The following DGKB variants were observed in gnomAD, a reference collection of about 807,000 sequenced individuals.
The protein encoded by DGKB is 90 kDa diacylglycerol kinase.
DGKB carries 67 observed loss-of-function variants against 114.3 expected under a neutral mutation model. That is an observed-to-expected ratio of 0.59 (90% CI 0.48 to 0.72). The LOEUF is 0.72. Among genes scored for constraint, DGKB ranks in the 30% least tolerant of loss-of-function variants. The probability of loss-of-function intolerance (pLI) is 0.00; values close to 1 mark genes in which losing one functional copy is unlikely to be tolerated. For missense variants in DGKB, 907 were observed against 975.2 expected (o/e 0.93, Z 0.93); for synonymous variants, 398 against 323.1 (o/e 1.23, Z -2.49).
chr7:14,370,832 T>C (rs1297786264), intron 21 of DGKB, among the ~76,000 whole-genome samples: 1 of 152,270 alleles, frequency 6.6e-6, no homozygotes, highest in East Asian at 1.9e-4. Flanking sequence ...CTCCATGTTC[T>C]AGTAGTCTCC....
In DGKB at chr7:14,574,388, A is replaced by C. The variant is rs755037246; in HGVS notation, c.1610-16T>G. The C allele has an allele frequency of 6.3e-7, 1 of 1,598,848 alleles. No individual in the cohort carries two copies. Among genetic ancestry groups the C allele is most frequent in the Non-Finnish European group, 8.5e-7 (1 of 1,175,006 alleles). ...CCTTCGTAACCTAGTGGGAAAAAAA[A>C]ATACCTTGAGAAAAGAACTCTAACC... is the stretch of plus-strand genomic sequence containing the variant. On this transcript the variant is annotated splice_polypyrimidine_tract_variant and intron_variant, in intron 19 of 25. Transcript: ENST00000402815.
intron 22 of DGKB, among the ~76,000 whole-genome samples, chr7:14,344,378 G>C (rs1285891611): frequency 2.0e-5 from 3 of 151,566 alleles, no homozygotes; most frequent in Non-Finnish European, 4.4e-5. Flanking sequence ...TAGAAATTTA[G>C]GATAATGAAG....
chr7:14,176,022 T>G (rs1394263257), intron 25 of DGKB: 1 of 152,086 alleles, frequency 6.6e-6, no homozygotes, highest in Non-Finnish European at 1.5e-5. Flanking sequence ...GCTATGTCCT[T>G]TCAAAGAGGT....
At chr7:14,411,233 T>G (rs1824827958) in intron 21 of DGKB, among the ~76,000 whole-genome samples, 1 of 152,214 alleles carries the variant, frequency 6.6e-6, no homozygotes, top group Non-Finnish European at 1.5e-5. Context: ...GCGTCTAAGT[T>G]AGGCTAGACT....
chr7:14,413,864 A>G (rs1460118413), intron 21 of DGKB, among the ~76,000 whole-genome samples: 1 of 152,174 alleles, frequency 6.6e-6, no homozygotes, highest in East Asian at 1.9e-4. Flanking sequence ...ACAACAAAGG[A>G]TATTCACCAG....
intron 17 of DGKB, among the ~76,000 whole-genome samples, chr7:14,588,132 T>A (rs1801088295): frequency 6.6e-6 from 1 of 152,142 alleles, no homozygotes; most frequent in African/African-American, 2.4e-5. Flanking sequence ...TCTTTAACAC[T>A]TGTCACGCTT....
At chr7:14,701,800 A>G (rs1343639415) in intron 6 of DGKB, 70 bp from the exon 7 acceptor site, 12 of 1,051,908 alleles carry the variant, frequency 1.1e-5, no homozygotes, top group Non-Finnish European at 1.8e-5. Context: ...AAGTATATTC[A>G]TTAAAATTTA....
chr7:14,605,967 A>C (rs777418902), intron 17 of DGKB, among the ~76,000 whole-genome samples: 5 of 152,156 alleles, frequency 3.3e-5, no homozygotes, highest in Non-Finnish European at 7.4e-5. Context: ...GTGAAACTGT[A>C]AGGCTTGTAA....
intron 4 of DGKB, among the ~76,000 whole-genome samples, chr7:14,747,774 C>CACGT (rs777972710): frequency 1.5e-3 from 192 of 125,934 alleles, no homozygotes; most frequent in African/African-American, 5.3e-3. Context: ...CACATCCACG[C>CACGT]GCACGCACAC....
At chr7:14,541,494 C>T (rs940644917) in intron 20 of DGKB, among the ~76,000 whole-genome samples, 1 of 152,120 alleles carries the variant, frequency 6.6e-6, no homozygotes, top group African/African-American at 2.4e-5. Flanking sequence ...ACTGAAATGC[C>T]ACCACAAACA....
intron 2 of DGKB, among the ~76,000 whole-genome samples, chr7:14,787,627 C>T (rs962329795): frequency 1.3e-5 from 2 of 152,128 alleles, no homozygotes; most frequent in African/African-American, 4.8e-5. Flanking sequence ...GTCGGGGTAA[C>T]AGTTTAGTCT....
At chr7:14,476,766 T>TG (rs1782234181) in intron 21 of DGKB, among the ~76,000 whole-genome samples, 1 of 151,306 alleles carries the variant, frequency 6.6e-6, no homozygotes, top group African/African-American at 2.4e-5. Context: ...TTTTTTTTTT[T>TG]TTTTTTGAGA....
intron 21 of DGKB, among the ~76,000 whole-genome samples, chr7:14,463,584 A>C (rs1470645733): frequency 6.6e-6 from 1 of 152,146 alleles, no homozygotes; most frequent in Admixed American, 6.5e-5. Flanking sequence ...CCACTAAGCT[A>C]TAAACTCTAA....
intron 14 of DGKB, among the ~76,000 whole-genome samples, chr7:14,621,860 A>G (rs1807718329): frequency 6.6e-6 from 1 of 152,140 alleles, no homozygotes; most frequent in East Asian, 1.9e-4. Flanking sequence ...ATTGAGTACT[A>G]AGAAAAGCTT....
intron 13 of DGKB, among the ~76,000 whole-genome samples, chr7:14,632,730 A>T (rs763504931): frequency 6.6e-6 from 1 of 151,836 alleles, no homozygotes; most frequent in African/African-American, 2.4e-5. Flanking sequence ...CAGAGTTCTC[A>T]TTTAAGATGA....
chr7:14,244,392 C>T (rs547529704), intron 23 of DGKB, among the ~76,000 whole-genome samples: 1 of 151,992 alleles, frequency 6.6e-6, no homozygotes, highest in Admixed American at 6.6e-5. Context: ...CGCGGTGGCT[C>T]ACGCCTGTAA....
At chr7:14,764,472 T>C (rs1340702683) in intron 2 of DGKB, among the ~76,000 whole-genome samples, 2 of 151,904 alleles carry the variant, frequency 1.3e-5, no homozygotes, top group Admixed American at 1.3e-4. Flanking sequence ...TGGATCCATA[T>C]CAGGATCATC....
intron 17 of DGKB, among the ~76,000 whole-genome samples, chr7:14,606,128 C>T (rs927699310): frequency 2.6e-5 from 4 of 151,986 alleles, no homozygotes; most frequent in Non-Finnish European, 4.4e-5. Flanking sequence ...TTTTGAAGTC[C>T]AGAGAATATT....
chr7:14,306,721 T>G (rs1452903810), intron 23 of DGKB, among the ~76,000 whole-genome samples: 3 of 152,156 alleles, frequency 2.0e-5, no homozygotes, highest in African/African-American at 7.2e-5. Context: ...TGAGTTCTTA[T>G]TTTCACTTCA....
Sources: allele counts gnomAD v4.1 joint callset (sites outside exome capture counted in the v4.1 genomes callset), GRCh38; gene constraint gnomAD v4.1.1; transcripts MANE v1.5; gene names NCBI Gene and HGNC (gene_info 2026-07-23, HGNC 2026-07-21).